FARS2: variants seen among roughly 807,000 people sequenced by gnomAD.
The protein encoded by FARS2 is phenylalanine--tRNA ligase, mitochondrial.
In FARS2, 40 loss-of-function variants were observed where a neutral mutation model predicts 46.4. The observed-to-expected ratio is 0.86, with a 90% CI of 0.67 to 1.12. FARS2 has a LOEUF of 1.12. FARS2 is among the 50% of genes most tolerant of loss of function. The pLI is 0.00. For synonymous variants in FARS2, 234 were observed against 214.9 expected (o/e 1.09, Z -0.78); for missense variants, 513 against 567.9 (o/e 0.90, Z 0.98).
chr6:5,617,753 A>G (rs530963520), intron 6 of FARS2, among the ~76,000 whole-genome samples: 2 of 152,312 alleles, frequency 1.3e-5, no homozygotes, highest in African/African-American at 4.8e-5. Context: ...TATGGAGTGG[A>G]GCAACAACAT....
intron 4 of FARS2, among the ~76,000 whole-genome samples, chr6:5,468,499 T>G (rs1240413357): frequency 6.6e-6 from 1 of 152,218 alleles, no homozygotes; most frequent in African/African-American, 2.4e-5. Context: ...AAAGAATTAT[T>G]TAAGGATAAT....
In FARS2 at chr6:5,727,150, C is replaced by T. The variant is rs1760320648; in HGVS notation, c.1218-44141C>T. 1.3e-5 allele frequency among the ~76,000 whole-genome samples: 2 copies of T among 152,142 alleles called. No individual in the cohort carries two copies. Among genetic ancestry groups the T allele is most frequent in the South Asian group, 4.1e-4 (2 of 4,830 alleles). ...AAGCGTGACTGCAGTGCATGGCACC[C>T]AGGAAGCTGCTCAGTCAACAGTAAC... On this transcript the variant is annotated intron_variant, in intron 6 of 6. Coordinates refer to ENST00000274680, the MANE Select transcript of FARS2 (RefSeq NM_006567.5). This position sits in a 1 kb window ranked among gnomAD's most constrained non-coding sequence, Gnocchi z 4.1.
In FARS2 at chr6:5,287,470, G is replaced by A. The variant is rs748562482; in HGVS notation, c.-22+25810G>A. On this transcript the variant is annotated intron_variant, in intron 1 of 6. Coordinates refer to ENST00000274680, the MANE Select transcript of FARS2 (RefSeq NM_006567.5). ...CCTGATTCTCTTTTTGGCACTGAGA[G>A]TGGCCATTTTTCCATTGCCTGTTTC... Among the ~76,000 whole-genome samples the A allele has an allele frequency of 7.9e-5, 12 of 152,298 alleles. No homozygotes were observed. In the South Asian group the frequency reaches 1.2e-3, roughly 16 times the overall value.
intron 6 of FARS2, among the ~76,000 whole-genome samples, chr6:5,647,046 C>G (rs780091151): frequency 2.0e-5 from 3 of 152,128 alleles, no homozygotes; most frequent in Non-Finnish European, 2.9e-5. Flanking sequence ...GGCATAGGAG[C>G]AGGAGAATGA....
At chr6:5,690,228 G>A (rs1328229702) in intron 6 of FARS2, among the ~76,000 whole-genome samples, 2 of 152,168 alleles carry the variant, frequency 1.3e-5, no homozygotes, top group African/African-American at 4.8e-5. Context: ...GTGTGAATTT[G>A]ATCCTGTCAT....
chr6:5,679,960 T>G (rs1263121038), intron 6 of FARS2, among the ~76,000 whole-genome samples: 1 of 151,752 alleles, frequency 6.6e-6, no homozygotes, highest in Admixed American at 6.6e-5. Flanking sequence ...ATAAGAAAAT[T>G]CATCAAAGTG....
At chr6:5,368,468 G>A in intron 1 of FARS2, 82 bp from the exon 2 acceptor site, 2 of 1,228,480 alleles carry the variant, frequency 1.6e-6, no homozygotes, top group Non-Finnish European at 2.3e-6. Context: ...GGACAAGAGG[G>A]AGCTGGTGGG....
Position 5,541,290 on chromosome 6 carries a change from C to T in FARS2, c.905-3890C>T, listed in dbSNP as rs772589825. On this transcript the variant is annotated intron_variant, in intron 4 of 6. Coordinates refer to ENST00000274680, the MANE Select transcript of FARS2 (RefSeq NM_006567.5). ...TTACAGCAATTTGACTTGGTACTGC[C>T]GTGTCATTCAAGTGTAGTATGTTTG... Among the ~76,000 whole-genome samples, 6 of 152,214 alleles carry T rather than the reference C, an allele frequency of 3.9e-5. 1 individual carries two copies. The South Asian group carries it at 6.2e-4, about 16-fold the overall frequency.
At chr6:5,378,361 C>T (rs1003914931) in intron 2 of FARS2, among the ~76,000 whole-genome samples, 10 of 152,158 alleles carry the variant, frequency 6.6e-5, no homozygotes, top group Admixed American at 4.6e-4. Context: ...TTTTTGAACA[C>T]CCCTTTGGCA....
intron 6 of FARS2, among the ~76,000 whole-genome samples, chr6:5,642,349 A>C (rs1432026037): frequency 2.0e-5 from 3 of 152,216 alleles, no homozygotes; most frequent in East Asian, 3.8e-4. Context: ...TGCTCTTCTG[A>C]GCACTGTAAA....
chr6:5,515,298 T>G (rs568551622), intron 4 of FARS2, among the ~76,000 whole-genome samples: 1 of 152,350 alleles, frequency 6.6e-6, no homozygotes, highest in South Asian at 2.1e-4. Context: ...TCATGGTGTA[T>G]GATTACCATG....
intron 4 of FARS2, among the ~76,000 whole-genome samples, chr6:5,464,853 A>G (rs1039149088): frequency 6.6e-6 from 1 of 152,240 alleles, no homozygotes; most frequent in Admixed American, 6.5e-5. Context: ...ATGAAATCAC[A>G]TCTTAACATG....
At chr6:5,401,477 T>C (rs6931188) in intron 2 of FARS2, among the ~76,000 whole-genome samples, 5,369 of 152,282 alleles carry the variant, frequency 0.035, 351 homozygotes, top group African/African-American at 0.12. Context: ...ATTTCTACTT[T>C]GTCAGAACAT....
chr6:5,709,723 G>C (rs1222966318), intron 6 of FARS2, among the ~76,000 whole-genome samples: 2 of 91,460 alleles, frequency 2.2e-5, no homozygotes, highest in South Asian at 6.5e-4. Flanking sequence ...TGTTGGGGGG[G>C]GTGGGGTTGT....
At chr6:5,652,502 C>T (rs1777415941) in intron 6 of FARS2, among the ~76,000 whole-genome samples, 1 of 152,206 alleles carries the variant, frequency 6.6e-6, no homozygotes, top group Non-Finnish European at 1.5e-5. Flanking sequence ...TTTCCTTTTT[C>T]TTTCAAAGGA....
At chr6:5,495,498 G>T (rs1198719252) in intron 4 of FARS2, among the ~76,000 whole-genome samples, 2 of 152,164 alleles carry the variant, frequency 1.3e-5, no homozygotes, top group East Asian at 3.8e-4. Flanking sequence ...CGATGCTTCT[G>T]GGGTCTAGTC....
intron 5 of FARS2, among the ~76,000 whole-genome samples, chr6:5,552,805 C>T (rs1394489346): frequency 6.6e-6 from 1 of 152,174 alleles, no homozygotes; most frequent in Non-Finnish European, 1.5e-5. Context: ...CAAGTGATAA[C>T]TTGTTCTGTC....
At chr6:5,312,171 G>A (rs767473982) in intron 1 of FARS2, among the ~76,000 whole-genome samples, 7 of 152,312 alleles carry the variant, frequency 4.6e-5, no homozygotes, top group South Asian at 4.1e-4. Context: ...TTAAGCTGCA[G>A]TCCTTTTGAA....
chr6:5,566,970 C>T (rs1023601953), intron 5 of FARS2, among the ~76,000 whole-genome samples: 3 of 152,240 alleles, frequency 2.0e-5, no homozygotes, highest in Non-Finnish European at 2.9e-5. Context: ...TTGACCCAAA[C>T]AACTTCATTT....
Sources: allele counts gnomAD v4.1 joint callset (sites outside exome capture counted in the v4.1 genomes callset), GRCh38; gene constraint gnomAD v4.1.1; non-coding constraint Gnocchi (gnomAD v3.1); transcripts MANE v1.5; gene names NCBI Gene and HGNC (gene_info 2026-07-23, HGNC 2026-07-21).